Variants in FARS2 observed in about 807,000 individuals in gnomAD.
FARS2 encodes phenylalanine--tRNA ligase, mitochondrial.
FARS2 carries 40 observed loss-of-function variants against 46.4 expected under a neutral mutation model. The ratio of observed to expected loss-of-function variants is 0.86; its 90% CI spans 0.67 to 1.12. The LOEUF is 1.12. Ranked by LOEUF, FARS2 falls within the 50% of genes most tolerant of loss-of-function variation. The pLI is 0.00. For synonymous variants in FARS2, 234 were observed against 214.9 expected (o/e 1.09, Z -0.78); for missense variants, 513 against 567.9 (o/e 0.90, Z 0.98).
chr6:5,524,085 C>CTT (rs1769315861), intron 4 of FARS2, among the ~76,000 whole-genome samples: 1 of 146,346 alleles, frequency 6.8e-6, no homozygotes, highest in Non-Finnish European at 1.5e-5. Context: ...TCTTTTTAGC[C>CTT]TTTGGAACCT....
chr6:5,526,712 G>C (rs1006677218), intron 4 of FARS2, among the ~76,000 whole-genome samples: 7 of 152,062 alleles, frequency 4.6e-5, no homozygotes, highest in South Asian at 4.1e-4. Flanking sequence ...CACCTCCTAG[G>C]TTCAAGCAAT....
intron 6 of FARS2, among the ~76,000 whole-genome samples, chr6:5,713,980 A>T (rs9502330): frequency 0.048 from 7,301 of 152,276 alleles, 572 homozygotes; most frequent in African/African-American, 0.16. Flanking sequence ...AAATAAAATT[A>T]AAAAATAAAT....
chr6:5,615,546 A>AT (rs1371299689), intron 6 of FARS2, among the ~76,000 whole-genome samples: 3 of 152,178 alleles, frequency 2.0e-5, no homozygotes, highest in African/African-American at 7.2e-5. Flanking sequence ...TTAAAAATTG[A>AT]TTGTAAAATA....
At chr6:5,385,060 A>C (rs903803094) in intron 2 of FARS2, among the ~76,000 whole-genome samples, 1 of 152,214 alleles carries the variant, frequency 6.6e-6, no homozygotes, top group African/African-American at 2.4e-5. Flanking sequence ...AGCTGGTTCA[A>C]TATCAATTAG....
chr6:5,533,639 C>T (rs975049283), intron 4 of FARS2, among the ~76,000 whole-genome samples: 3 of 152,012 alleles, frequency 2.0e-5, no homozygotes, highest in Non-Finnish European at 4.4e-5. Flanking sequence ...AAGGCTGTAG[C>T]GTATTAGAAG....
chr6:5,741,809 C>G (rs1247989499), intron 6 of FARS2, among the ~76,000 whole-genome samples: 2 of 152,184 alleles, frequency 1.3e-5, no homozygotes, highest in Non-Finnish European at 1.5e-5. Context: ...TGCCACCACC[C>G]CCAGTTAATT....
At chr6:5,607,790 A>G (rs948286043) in intron 5 of FARS2, among the ~76,000 whole-genome samples, 2 of 152,140 alleles carry the variant, frequency 1.3e-5, no homozygotes, top group Non-Finnish European at 2.9e-5. Flanking sequence ...GACCTTTCCC[A>G]GAGATCAAGT....
intron 2 of FARS2, among the ~76,000 whole-genome samples, chr6:5,374,469 A>G (rs1759254121): frequency 6.6e-6 from 1 of 152,140 alleles, no homozygotes; most frequent in African/African-American, 2.4e-5. Context: ...GAAAGCAATT[A>G]ACTCTAAAAT....
rs1757803927 is a variant in FARS2 at position 5,354,704 on chromosome 6, G to A, written c.-21-13846G>A. Among the ~76,000 whole-genome samples the A allele has an allele frequency of 5.3e-5, 8 of 152,112 alleles. No homozygotes were observed. In the South Asian group the frequency reaches 1.5e-3, roughly 28 times the overall value. On this transcript the variant is annotated intron_variant, in intron 1 of 6. Transcript: ENST00000274680. ...AACTTTTTGTATTTTTAGTAGAGATGGGGTTTCACCATGTTAGCCAGGATG... is the reference window on the plus strand; with the variant it reads ...AACTTTTTGTATTTTTAGTAGAGATAGGGTTTCACCATGTTAGCCAGGATG...
chr6:5,656,590 G>A (rs1239847901), intron 6 of FARS2, among the ~76,000 whole-genome samples: 2 of 75,076 alleles, frequency 2.7e-5, no homozygotes, highest in African/African-American at 6.0e-5. Flanking sequence ...TCGCTCTGTC[G>A]CCCAAGCTGG....
intron 1 of FARS2, among the ~76,000 whole-genome samples, chr6:5,283,829 A>G (rs891445104): frequency 5.3e-5 from 8 of 152,166 alleles, no homozygotes; most frequent in South Asian, 2.1e-4. Flanking sequence ...CCAGTCCCCA[A>G]TCAATAAAAA....
At chr6:5,537,235 C>T (rs972929078) in intron 4 of FARS2, among the ~76,000 whole-genome samples, 4 of 152,352 alleles carry the variant, frequency 2.6e-5, no homozygotes, top group African/African-American at 9.6e-5. Context: ...ACTAAGGACT[C>T]TGGGGATAGA....
chr6:5,402,613 G>T (rs1761325989), intron 2 of FARS2, among the ~76,000 whole-genome samples: 1 of 152,122 alleles, frequency 6.6e-6, no homozygotes, highest in Non-Finnish European at 1.5e-5. Flanking sequence ...TTAGAGAATG[G>T]TTTTGTAAAT....
chr6:5,443,137 T>G (rs186863558), intron 4 of FARS2, among the ~76,000 whole-genome samples: 3 of 152,360 alleles, frequency 2.0e-5, no homozygotes, highest in Admixed American at 6.5e-5. Context: ...GACTTAATTT[T>G]CCATTTTAAA....
At chr6:5,455,862 A>G (rs1764819821) in intron 4 of FARS2, among the ~76,000 whole-genome samples, 1 of 152,322 alleles carries the variant, frequency 6.6e-6, no homozygotes, top group South Asian at 2.1e-4. Flanking sequence ...TAGAAATGGT[A>G]TTTAAGATTA....
intron 2 of FARS2, among the ~76,000 whole-genome samples, chr6:5,401,244 A>G (rs796491278): frequency 2.6e-4 from 39 of 152,144 alleles, no homozygotes; most frequent in African/African-American, 7.5e-4. Context: ...TTATTTCTCT[A>G]CAATATATGT....
intron 1 of FARS2, among the ~76,000 whole-genome samples, chr6:5,283,374 C>CAA (rs1180107524): frequency 0.012 from 660 of 54,868 alleles, 11 homozygotes; most frequent in African/African-American, 0.041. Context: ...ACTCCTGTCT[C>CAA]AAAAAAAAAA....
At chr6:5,580,576 T>C (rs1773274489) in intron 5 of FARS2, among the ~76,000 whole-genome samples, 1 of 152,178 alleles carries the variant, frequency 6.6e-6, no homozygotes, top group Non-Finnish European at 1.5e-5. Context: ...CAGCCACATT[T>C]GCCTCAGTTT....
rs74567589 is a variant in FARS2, at chr6:5,666,522, G to A, written c.1217+53202G>A. Among the ~76,000 whole-genome samples, 337 of 152,320 alleles carry A rather than the reference G, an allele frequency of 2.2e-3. 3 individuals carry two copies. Among genetic ancestry groups the A allele is most frequent in the African/African-American group, 7.7e-3 (321 of 41,554 alleles). The stretch of plus-strand genomic sequence containing the variant: ...GAGAGCAGTGCTATTTTAATAAATA[G>A]TACATGATAGTTTTGCTGTATACCA... On this transcript the variant is annotated intron_variant, in intron 6 of 6. Transcript: ENST00000274680.
Sources: allele counts gnomAD v4.1 joint callset (sites outside exome capture counted in the v4.1 genomes callset), GRCh38; gene constraint gnomAD v4.1.1; transcripts MANE v1.5; gene names NCBI Gene and HGNC (gene_info 2026-07-23, HGNC 2026-07-21).